The following CNGA1 variants were observed in gnomAD, a reference collection of about 807,000 sequenced individuals.
CNGA1 encodes the protein cyclic nucleotide gated channel subunit alpha 1, also known as cyclic nucleotide-gated channel alpha-1.
A neutral mutation model predicts 69.7 loss-of-function variants in CNGA1; 53 were observed. The ratio of observed to expected loss-of-function variants is 0.76; its 90% CI spans 0.61 to 0.96. The LOEUF is 0.96. Ranked by LOEUF, CNGA1 falls within the 40% of genes least tolerant of loss-of-function variation. CNGA1 has a pLI of 0.00. For synonymous variants in CNGA1, 249 were observed against 283.5 expected (o/e 0.88, Z 1.22); for missense variants, 739 against 811.2 (o/e 0.91, Z 1.08).
At chr4:47,976,630 C>T (rs540788974) in intron 3 of CNGA1, among the ~76,000 whole-genome samples, 3 of 152,090 alleles carry the variant, frequency 2.0e-5, no homozygotes, top group South Asian at 2.1e-4. Flanking sequence ...CTACTTCTCT[C>T]GCAAGTTTAT....
Position 48,016,506 on chromosome 4 carries a change from A to C in CNGA1, c.-246T>G. On this transcript the variant is annotated 5_prime_UTR_variant, in exon 1 of 11. Coordinates refer to ENST00000514170, the MANE Select transcript of CNGA1 (RefSeq NM_001379270.1). The stretch of plus-strand genomic sequence containing the variant: ...ACCTTGGCGGGCTCCACGCTCCGAG[A>C]GACGCTGTTGCTCTATGAGGCGTGT... 1 of 378,262 alleles carries C rather than the reference A, an allele frequency of 2.6e-6. No individual in the cohort carries two copies. The highest frequency in any genetic ancestry group is 4.5e-5 in the South Asian group (1 of 22,314). 23.4% of individuals were successfully genotyped at this position (378,262 alleles called of 1,614,324 possible). A position where few individuals can be genotyped will look rare whatever the true frequency, so the allele number is the denominator to read the frequency against.
intron 2 of CNGA1, among the ~76,000 whole-genome samples, chr4:48,000,438 C>T (rs927043439): frequency 6.6e-6 from 1 of 151,332 alleles, no homozygotes; most frequent in Non-Finnish European, 1.5e-5. Flanking sequence ...GGCATGATCT[C>T]GGCTCACCGC....
chr4:47,957,676 C>T (rs993965203), intron 3 of CNGA1, among the ~76,000 whole-genome samples: 4 of 152,016 alleles, frequency 2.6e-5, no homozygotes, highest in African/African-American at 9.7e-5. Context: ...ATTTATGCCT[C>T]AAGTTCACAA....
At chr4:47,985,971 C>T (rs1349459132) in intron 2 of CNGA1, among the ~76,000 whole-genome samples, 2 of 152,168 alleles carry the variant, frequency 1.3e-5, no homozygotes, top group Non-Finnish European at 2.9e-5. Context: ...ATAAAGAGGA[C>T]ACTTCATAAT....
chr4:47,988,980 TTA>T (rs200331925), intron 2 of CNGA1, among the ~76,000 whole-genome samples: 8 of 151,370 alleles, frequency 5.3e-5, no homozygotes, highest in African/African-American at 1.2e-4. Flanking sequence ...GTTCTTAGTT[TTA>T]AAAAAAAAAA....
intron 10 of CNGA1, among the ~76,000 whole-genome samples, chr4:47,940,456 C>G (rs1347780867): frequency 1.3e-5 from 2 of 152,190 alleles, no homozygotes; most frequent in African/African-American, 4.8e-5. Context: ...TTAGCTTCCC[C>G]CTGTAGCTGG....
At chr4:47,961,028 C>G (rs1740406588) in intron 3 of CNGA1, among the ~76,000 whole-genome samples, 2 of 152,124 alleles carry the variant, frequency 1.3e-5, no homozygotes, top group Non-Finnish European at 2.9e-5. Flanking sequence ...TTGCATTTTA[C>G]TTACAGTATG....
chr4:47,954,152 G>A (rs1739917654), intron 3 of CNGA1, among the ~76,000 whole-genome samples: 1 of 152,040 alleles, frequency 6.6e-6, no homozygotes. Context: ...GGGAAGAGGC[G>A]TCTGAACATC....
chr4:47,972,932 T>C (rs1741121199), intron 3 of CNGA1, among the ~76,000 whole-genome samples: 1 of 152,180 alleles, frequency 6.6e-6, no homozygotes, highest in Non-Finnish European at 1.5e-5. Flanking sequence ...CAAATATTTG[T>C]TTACCAATTT....
intron 2 of CNGA1, among the ~76,000 whole-genome samples, chr4:48,005,460 C>T (rs1010943025): frequency 6.6e-6 from 1 of 152,120 alleles, no homozygotes. Context: ...GTTTACAGTG[C>T]AACAAAAATA....
intron 6 of CNGA1, among the ~76,000 whole-genome samples, chr4:47,948,859 A>T (rs1739577702): frequency 6.6e-6 from 1 of 152,174 alleles, no homozygotes; most frequent in Admixed American, 6.5e-5. Flanking sequence ...CAGCTAAGTC[A>T]TCTAGACCAG....
chr4:47,939,033 A>AAG (rs1738899255), intron 10 of CNGA1, among the ~76,000 whole-genome samples: 1 of 151,802 alleles, frequency 6.6e-6, no homozygotes, highest in Non-Finnish European at 1.5e-5. Context: ...AGAAAGAAAG[A>AAG]GAAAGAAAGA....
intron 2 of CNGA1, among the ~76,000 whole-genome samples, chr4:47,996,273 C>T (rs375197233): frequency 2.9e-4 from 44 of 152,236 alleles, no homozygotes; most frequent in African/African-American, 1.0e-3. Flanking sequence ...TTGGGGTGGC[C>T]TCAGAGACTT....
intron 2 of CNGA1, among the ~76,000 whole-genome samples, chr4:47,990,756 C>T (rs1306356003): frequency 6.6e-6 from 1 of 152,106 alleles, no homozygotes; most frequent in African/African-American, 2.4e-5. Flanking sequence ...TACTCTTTTT[C>T]TTTATTTCTC....
intron 2 of CNGA1, among the ~76,000 whole-genome samples, chr4:48,001,446 G>A (rs1344909160): frequency 6.6e-6 from 1 of 152,138 alleles, no homozygotes; most frequent in East Asian, 1.9e-4. Context: ...TCCAGCCTGG[G>A]TGACAGAGCA....
intron 3 of CNGA1, among the ~76,000 whole-genome samples, chr4:47,965,723 G>A (rs192179956): frequency 2.5e-4 from 38 of 152,192 alleles, no homozygotes; most frequent in African/African-American, 9.2e-4. Flanking sequence ...CACCATGCCT[G>A]GCCCTGATAA....
intron 2 of CNGA1, among the ~76,000 whole-genome samples, chr4:48,010,018 T>C (rs1158352356): frequency 6.6e-6 from 1 of 152,210 alleles, no homozygotes; most frequent in African/African-American, 2.4e-5. Flanking sequence ...CCTTTTTTTT[T>C]CTATCTTAGA....
At chr4:47,940,907 A>T (rs1739036331) in intron 9 of CNGA1, 38 bp from the exon 10 acceptor site, 1 of 1,312,024 alleles carries the variant, frequency 7.6e-7, no homozygotes, top group Admixed American at 1.8e-5. Flanking sequence ...TAAAAAAGAA[A>T]TGGGGGCCAA....
At chr4:47,970,966 G>A (rs887558399) in intron 3 of CNGA1, 15 of 453,386 alleles carry the variant, frequency 3.3e-5, no homozygotes, top group Non-Finnish European at 6.6e-5. Flanking sequence ...GTCCAGCTTG[G>A]CCAACATGGT....
Sources: gnomAD v4.1 joint callset for allele counts (sites outside exome capture counted in the v4.1 genomes callset) on GRCh38, gnomAD v4.1.1 for gene constraint, MANE v1.5 for transcripts, NCBI Gene and HGNC (gene_info 2026-07-23, HGNC 2026-07-21) for gene names.